C9orf85: variants seen among roughly 807,000 people sequenced by gnomAD.
C9orf85 encodes the protein uncharacterized protein C9orf85.
A neutral mutation model predicts 14.9 loss-of-function variants in C9orf85; 16 were observed. The observed-to-expected ratio is 1.08, with a 90% CI of 0.73 to 1.63. The LOEUF is 1.63. Ranked by LOEUF, C9orf85 falls within the 40% of genes most tolerant of loss-of-function variation. C9orf85 has a pLI of 0.00. For synonymous variants in C9orf85, 45 were observed against 56.8 expected, an observed-to-expected ratio of 0.79 and a Z score of 0.93; for missense variants, 172 against 186.1, an observed-to-expected ratio of 0.92 and a Z score of 0.44.
Position 71,966,460 on chromosome 9 carries a change from T to G in C9orf85, c.210-5045T>G, listed in dbSNP as rs78774694. ...AGGGAAATTTGGAAAAATTTATATTTAGGAGAATTTAAAATTTTTCCTTAC... is the reference window on the plus strand; with the variant it reads ...AGGGAAATTTGGAAAAATTTATATTGAGGAGAATTTAAAATTTTTCCTTAC... On this transcript the variant is annotated intron_variant, in intron 2 of 3. Coordinates refer to ENST00000334731, the MANE Select transcript of C9orf85 (RefSeq NM_182505.5). Among the ~76,000 whole-genome samples the G allele has an allele frequency of 6.3e-3, 960 of 152,324 alleles. 10 individuals are homozygous for G. Among genetic ancestry groups the G allele is most frequent in the African/African-American group, 0.022 (903 of 41,568 alleles).
downstream of C9orf85, among the ~76,000 whole-genome samples, chr9:71,973,927 TATTA>T (rs1308756698): frequency 7.3e-5 from 11 of 150,932 alleles, no homozygotes; most frequent in African/African-American, 1.7e-4. Flanking sequence ...TTATTTATTT[TATTA>T]ATTTATTTTT....
chr9:71,970,594 G>C (rs1822833322), intron 2 of C9orf85, among the ~76,000 whole-genome samples: 3 of 152,068 alleles, frequency 2.0e-5, no homozygotes, highest in African/African-American at 7.2e-5. Context: ...CACAGTCTGG[G>C]TTACTGTAGG....
intron 2 of C9orf85, among the ~76,000 whole-genome samples, chr9:71,952,372 T>C (rs1822266593): frequency 1.3e-5 from 2 of 151,644 alleles, no homozygotes; most frequent in Non-Finnish European, 2.9e-5. Context: ...TATTTATTCA[T>C]TCTATTTTTT....
intron 1 of C9orf85, among the ~76,000 whole-genome samples, chr9:71,939,201 T>C (rs1589255040): frequency 6.6e-6 from 1 of 151,944 alleles, no homozygotes; most frequent in East Asian, 1.9e-4. Flanking sequence ...ATATATACAA[T>C]GCTATATTAT....
chr9:71,949,516 A>T (rs1441512957), intron 2 of C9orf85, among the ~76,000 whole-genome samples: 1 of 152,218 alleles, frequency 6.6e-6, no homozygotes, highest in African/African-American at 2.4e-5. Flanking sequence ...AAGATCTTGT[A>T]GAGGAGGAAA....
At chr9:71,972,583 C>A (rs1822905000) in intron 3 of C9orf85, 109 bp from the exon 4 acceptor site, 1 of 742,930 alleles carries the variant, frequency 1.3e-6, no homozygotes, top group Non-Finnish European at 2.1e-6. Context: ...ATACTTACTT[C>A]ATTAGGTTTC....
At chr9:71,918,276 C>A in intron 1 of C9orf85, 2 of 373,204 alleles carry the variant, frequency 5.4e-6, no homozygotes, top group Non-Finnish European at 9.4e-6. Flanking sequence ...TGAAGGAACA[C>A]TAATTATATT....
chr9:71,964,111 G>A (rs948654004), intron 2 of C9orf85, among the ~76,000 whole-genome samples: 4 of 152,136 alleles, frequency 2.6e-5, no homozygotes, highest in Admixed American at 2.0e-4. Flanking sequence ...AATCGACACT[G>A]TATCTAGCTA....
Position 71,973,280 on chromosome 9 carries a change from C to T in C9orf85, c.*438C>T, listed in dbSNP as rs1046214953. ...TATGGAAAAATAGACAAATTTCATA[C>T]ATGAACAATATAAATTGTGTATATT... On this transcript the variant is annotated 3_prime_UTR_variant, in exon 4 of 4. Coordinates refer to ENST00000334731, the MANE Select transcript of C9orf85 (RefSeq NM_182505.5). 2.0e-5 allele frequency: 3 copies of T among 152,378 alleles called. No homozygotes were observed. Among genetic ancestry groups the T allele is most frequent in the Admixed American group, 2.0e-4 (3 of 15,300 alleles). 9.4% of individuals were successfully genotyped at this position (152,378 alleles called of 1,614,324 possible). A position where few individuals can be genotyped will look rare whatever the true frequency, so the allele number is the denominator to read the frequency against.
intron 1 of C9orf85, among the ~76,000 whole-genome samples, chr9:71,931,258 C>T (rs1828064602): frequency 1.3e-5 from 2 of 152,140 alleles, no homozygotes; most frequent in African/African-American, 4.8e-5. Flanking sequence ...CTTCTGGATT[C>T]CTGACTTATG....
At chr9:71,962,636 T>C (rs1179984867) in intron 2 of C9orf85, among the ~76,000 whole-genome samples, 1 of 152,244 alleles carries the variant, frequency 6.6e-6, no homozygotes, top group East Asian at 1.9e-4. Flanking sequence ...AAGTCTTTTA[T>C]TTCTAGCAAG....
intron 2 of C9orf85, among the ~76,000 whole-genome samples, chr9:71,957,696 T>G (rs1822415590): frequency 6.6e-6 from 1 of 152,176 alleles, no homozygotes. Context: ...TAGTAAATAC[T>G]TCAACAGTAG....
At chr9:71,927,663 C>T (rs1474941002) in intron 1 of C9orf85, among the ~76,000 whole-genome samples, 1 of 152,026 alleles carries the variant, frequency 6.6e-6, no homozygotes, top group Non-Finnish European at 1.5e-5. Flanking sequence ...GACCAGTGTA[C>T]AAGAAGCAAT....
At chr9:71,946,134 C>A (rs1390802133) in intron 1 of C9orf85, among the ~76,000 whole-genome samples, 1 of 152,164 alleles carries the variant, frequency 6.6e-6, no homozygotes, top group African/African-American at 2.4e-5. Context: ...TTTGAAGAAA[C>A]CAAGTTAGTA....
intron 1 of C9orf85, among the ~76,000 whole-genome samples, chr9:71,914,248 A>G (rs1589241425): frequency 6.6e-6 from 1 of 152,180 alleles, no homozygotes; most frequent in East Asian, 1.9e-4. Flanking sequence ...AGCTTGTCCA[A>G]CACATGGTGC....
chr9:71,943,386 ATTTCT>A (rs1399218810), intron 1 of C9orf85, among the ~76,000 whole-genome samples: 1 of 152,280 alleles, frequency 6.6e-6, no homozygotes, highest in East Asian at 1.9e-4. Flanking sequence ...TGGTATTCAA[ATTTCT>A]TTTCAACTAC....
intron 2 of C9orf85, among the ~76,000 whole-genome samples, chr9:71,961,123 G>C (rs1822507396): frequency 1.3e-5 from 2 of 151,908 alleles, no homozygotes; most frequent in Admixed American, 6.6e-5. Context: ...TGTTGGTCAG[G>C]CTGGTCTCAA....
At chr9:71,948,435 G>A (rs1224881333) in intron 2 of C9orf85, among the ~76,000 whole-genome samples, 1 of 152,004 alleles carries the variant, frequency 6.6e-6, no homozygotes, top group African/African-American at 2.4e-5. Context: ...AAGCTTTTTA[G>A]ATTTTTTTTT....
intron 1 of C9orf85, among the ~76,000 whole-genome samples, chr9:71,915,216 C>T (rs1259696207): frequency 6.7e-6 from 1 of 148,698 alleles, no homozygotes. Flanking sequence ...GAGTCTCGCT[C>T]TCTCGCCCAG....
Sources: allele counts gnomAD v4.1 joint callset (sites outside exome capture counted in the v4.1 genomes callset), GRCh38; gene constraint gnomAD v4.1.1; transcripts MANE v1.5; gene names NCBI Gene and HGNC (gene_info 2026-07-23, HGNC 2026-07-21).